The following SUV39H1 variants were observed in gnomAD, a reference collection of about 807,000 sequenced individuals.
SUV39H1 encodes the protein SUV39H1 histone lysine methyltransferase.
For synonymous variants in SUV39H1, 141 were observed against 150.5 expected (o/e 0.94, Z 0.46); for missense variants, 180 against 386.3 (o/e 0.47, Z 4.48).
intron 3 of SUV39H1, among the ~76,000 whole-genome samples, chrX:48,705,063 G>A (rs1205078164): frequency 8.9e-6 from 1 of 112,371 alleles, no homozygotes; most frequent in African/African-American, 3.2e-5. Flanking sequence ...ATGGAACACA[G>A]CCTTGAGGGG....
intron 3 of SUV39H1, among the ~76,000 whole-genome samples, chrX:48,704,036 AG>A (rs1215180466): frequency 3.8e-5 from 4 of 105,701 alleles, no homozygotes; most frequent in African/African-American, 1.4e-4. Flanking sequence ...TCCCATATCC[AG>A]GAGGGGGCAG....
Position 48,707,599 on chromosome X carries a change from G to A in SUV39H1, c.*29G>A, listed in dbSNP as rs2062495266. ...TTAGAAGTCTGAGGCCAGACTGACT[G>A]AGGGGGCCTGAAGCTACATGCACCT... On this transcript the variant is annotated 3_prime_UTR_variant, in exon 6 of 6. Transcript: ENST00000376687. 2 of 1,205,377 alleles carry A rather than the reference G, an allele frequency of 1.7e-6. No individual in the cohort carries two copies. Among genetic ancestry groups the A allele is most frequent in the Non-Finnish European group, 2.2e-6 (2 of 891,757 alleles).
chrX:48,706,210 C>T (rs782111188), intron 3 of SUV39H1, 55 bp from the exon 4 acceptor site: 64 of 1,173,677 alleles, frequency 5.5e-5, no homozygotes, highest in Non-Finnish European at 6.8e-5. Flanking sequence ...GGAGCAGTGC[C>T]GGCTTTCCTG....
intron 3 of SUV39H1, 126 bp from the exon 4 acceptor site, chrX:48,706,139 G>A (rs1195502331): frequency 2.2e-5 from 20 of 915,211 alleles, no homozygotes; most frequent in Admixed American, 6.4e-5. Context: ...GACTCTCTGC[G>A]TCACTGCCCA....
At chrX:48,702,630 T>TCTAC (rs781827671) in intron 3 of SUV39H1, among the ~76,000 whole-genome samples, 2 of 111,004 alleles carry the variant, frequency 1.8e-5, no homozygotes, top group Non-Finnish European at 3.8e-5. Flanking sequence ...GGAAACACTG[T>TCTAC]CTACCACACA....
At chrX:48,695,770 G>A (rs1287553530), upstream of SUV39H1, 1 of 1,154,356 alleles carries the variant, frequency 8.7e-7, no homozygotes, top group African/African-American at 1.8e-5. Flanking sequence ...CGGACTGTCT[G>A]CCCTGATAGA....
At chrX:48,699,399 C>T (rs781897449) in intron 2 of SUV39H1, among the ~76,000 whole-genome samples, 1 of 111,259 alleles carries the variant, frequency 9.0e-6, no homozygotes, top group Non-Finnish European at 1.9e-5. Flanking sequence ...CATTTAATCC[C>T]CTAACAACTG....
chrX:48,701,175 C>T (rs1306291815), intron 3 of SUV39H1, among the ~76,000 whole-genome samples: 1 of 111,720 alleles, frequency 9.0e-6, no homozygotes, highest in Admixed American at 9.5e-5. Context: ...ATTGTTTTAC[C>T]AGTCTGCACA....
At chrX:48,706,746 GA>G in intron 5 of SUV39H1, 119 bp downstream of exon 5, 2 of 890,465 alleles carry the variant, frequency 2.2e-6, no homozygotes, top group South Asian at 2.6e-5. Context: ...GGAGCTTTAA[GA>G]TGCTCTTCCT....
chrX:48,707,590 AGACT>A lies in SUV39H1; in HGVS notation c.*27_*30del. On this transcript the variant is annotated 3_prime_UTR_variant, in exon 6 of 6. Transcript: ENST00000376687. ...TTCTAGCCCTTAGAAGTCTGAGGCC[AGACT>A]GACTGAGGGGGCCTGAAGCTACATG... is the stretch of plus-strand genomic sequence containing the variant. 12 of 1,209,657 alleles carry A rather than the reference AGACT, an allele frequency of 9.9e-6. No individual in the cohort carries two copies. Among genetic ancestry groups the A allele is most frequent in the Non-Finnish European group, 1.3e-5 (12 of 893,772 alleles).
chrX:48,706,403 AACC>A lies in SUV39H1; in HGVS notation c.970_972del (p.His324del). 8.3e-7 allele frequency: 1 copy of A among 1,209,937 alleles called. No homozygotes were observed. The highest frequency in any genetic ancestry group is 1.1e-6 in the Non-Finnish European group (1 of 894,465). ...CTATGGCAACATCTCCCACTTTGTC[AACC>A]ACAGTGTGGGTACCCCCGGCAGGCG... On this transcript the variant is annotated inframe_deletion, in exon 4 of 6. Transcript: ENST00000376687.
chrX:48,703,356 C>T (rs1046255926), intron 3 of SUV39H1, among the ~76,000 whole-genome samples: 2 of 111,636 alleles, frequency 1.8e-5, no homozygotes, highest in Middle Eastern at 4.6e-3. Context: ...CAGATGCTGC[C>T]AGGGTGTTAC....
chrX:48,702,420 A>C (rs1430179316), intron 3 of SUV39H1, among the ~76,000 whole-genome samples: 3 of 111,402 alleles, frequency 2.7e-5, no homozygotes, highest in Non-Finnish European at 5.7e-5. Flanking sequence ...GATCTAGTCT[A>C]CACCCAAGGG....
intron 3 of SUV39H1, 40 bp from the exon 4 acceptor site, chrX:48,706,225 T>C (rs1557010101): frequency 1.7e-6 from 2 of 1,185,194 alleles, no homozygotes; most frequent in Admixed American, 4.6e-5. Context: ...TTCCTGAGAC[T>C]TCGCGGCCAA....
At chrX:48,701,864 T>TA (rs2062476283) in intron 3 of SUV39H1, among the ~76,000 whole-genome samples, 1 of 111,611 alleles carries the variant, frequency 9.0e-6, no homozygotes, top group Non-Finnish European at 1.9e-5. Flanking sequence ...CAACCCCAGA[T>TA]ACCTCTATAT....
intron 1 of SUV39H1, among the ~76,000 whole-genome samples, chrX:48,697,420 A>C (rs1467770216): frequency 2.7e-5 from 3 of 111,817 alleles, no homozygotes; most frequent in African/African-American, 6.5e-5. Context: ...GATGGGTTCC[A>C]CAAGTGGGAG....
intron 3 of SUV39H1, among the ~76,000 whole-genome samples, chrX:48,701,135 T>G (rs1322849276): frequency 5.4e-5 from 6 of 111,525 alleles, no homozygotes; most frequent in African/African-American, 2.0e-4. Flanking sequence ...AGGGCCCATC[T>G]TATCACCAAG....
Position 48,707,901 on chromosome X carries a change from A to G in SUV39H1, c.*331A>G. On this transcript the variant is annotated 3_prime_UTR_variant, in exon 6 of 6. Coordinates refer to ENST00000376687, the MANE Select transcript of SUV39H1 (RefSeq NM_003173.4). ...GTGAGTCCCAACCCAGCCCCAGAAT[A>G]TATTTGTTTTTGCACCTGCTTCTGC... The G allele has an allele frequency of 1.6e-5, 5 of 313,360 alleles. No homozygotes were observed. The highest frequency in any genetic ancestry group is 3.0e-5 in the Non-Finnish European group (5 of 164,892). 25.8% of individuals were successfully genotyped at this position (313,360 alleles called of 1,213,427 possible). A position where few individuals can be genotyped will look rare whatever the true frequency, so the allele number is the denominator to read the frequency against.
chrX:48,699,420 A>C (rs1160921303), intron 2 of SUV39H1, among the ~76,000 whole-genome samples: 1 of 111,495 alleles, frequency 9.0e-6, no homozygotes, highest in African/African-American at 3.3e-5. Context: ...AAATGGGGAT[A>C]GTTATTGCCA....
Sources: allele counts gnomAD v4.1 joint callset (sites outside exome capture counted in the v4.1 genomes callset), GRCh38; gene constraint gnomAD v4.1.1; transcripts MANE v1.5; gene names NCBI Gene and HGNC (gene_info 2026-07-23, HGNC 2026-07-21).